The following SPHKAP variants were observed in gnomAD, a reference collection of about 807,000 sequenced individuals.
The protein encoded by SPHKAP is A-kinase anchor protein SPHKAP.
A neutral mutation model predicts 137.5 loss-of-function variants in SPHKAP; 67 were observed. The ratio of observed to expected loss-of-function variants is 0.49; its 90% CI spans 0.40 to 0.60. The LOEUF is 0.60. Ranked by LOEUF, SPHKAP falls within the 20% of genes least tolerant of loss-of-function variation. The probability of loss-of-function intolerance (pLI) is 0.00; values close to 1 mark genes in which losing one functional copy is unlikely to be tolerated. For synonymous variants in SPHKAP, 813 were observed against 785.3 expected, an observed-to-expected ratio of 1.04 and a Z score of -0.59; for missense variants, 2,097 against 2,069.3, an observed-to-expected ratio of 1.01 and a Z score of -0.26.
intron 3 of SPHKAP, among the ~76,000 whole-genome samples, chr2:228,043,138 C>T (rs1178539627): frequency 6.6e-6 from 1 of 152,092 alleles, no homozygotes; most frequent in Non-Finnish European, 1.5e-5. Flanking sequence ...ACTTATAGAC[C>T]TGCAGACAAC....
intron 1 of SPHKAP, among the ~76,000 whole-genome samples, chr2:228,134,617 G>T (rs1699377777): frequency 6.6e-6 from 1 of 152,150 alleles, no homozygotes; most frequent in Admixed American, 6.5e-5. Flanking sequence ...AGCTATTATT[G>T]TTAGGTTCTA....
In SPHKAP at chr2:228,088,896, T is replaced by G. The variant is rs145436827; in HGVS notation, c.246+19936A>C. ...ATAGAAATATGATCCAATTAAAACC[T>G]CTCTTCTTTATAAATTACCTAGTCT... On this transcript the variant is annotated intron_variant, in intron 3 of 11. Coordinates refer to ENST00000392056, the MANE Select transcript of SPHKAP (RefSeq NM_001142644.2). Among the ~76,000 whole-genome samples, 613 of 152,278 alleles carry G rather than the reference T, an allele frequency of 4.0e-3. 6 individuals are homozygous for G. Among genetic ancestry groups the G allele is most frequent in the African/African-American group, 0.014 (583 of 41,546 alleles).
At chr2:228,003,448 T>C (rs919085460) in intron 7 of SPHKAP, among the ~76,000 whole-genome samples, 2 of 152,220 alleles carry the variant, frequency 1.3e-5, no homozygotes, top group Admixed American at 6.5e-5. Context: ...GCTTATCAGC[T>C]TAAGGAGATT....
At chr2:228,034,310 C>T (rs534689816) in intron 3 of SPHKAP, among the ~76,000 whole-genome samples, 1 of 152,304 alleles carries the variant, frequency 6.6e-6, no homozygotes, top group South Asian at 2.1e-4. Flanking sequence ...GACATATACA[C>T]CCTCCCAAGA....
chr2:228,072,568 C>T (rs1697037696), intron 3 of SPHKAP, among the ~76,000 whole-genome samples: 1 of 152,032 alleles, frequency 6.6e-6, no homozygotes, highest in Non-Finnish European at 1.5e-5. Flanking sequence ...GGGTTCCTTC[C>T]CCTTTTCTCT....
chr2:228,109,827 C>T (rs945047874), intron 2 of SPHKAP, among the ~76,000 whole-genome samples: 1 of 151,804 alleles, frequency 6.6e-6, no homozygotes, highest in Non-Finnish European at 1.5e-5. Context: ...GTTGGCCAGG[C>T]GTGGTGGTGC....
intron 7 of SPHKAP, among the ~76,000 whole-genome samples, chr2:228,011,380 A>G (rs1694360621): frequency 6.6e-6 from 1 of 152,104 alleles, no homozygotes; most frequent in Non-Finnish European, 1.5e-5. Context: ...CCTGGTTTCC[A>G]CTAGCCTTTA....
chr2:227,986,518 G>A (rs887868135), intron 11 of SPHKAP, among the ~76,000 whole-genome samples: 1 of 152,074 alleles, frequency 6.6e-6, no homozygotes, highest in African/African-American at 2.4e-5. Flanking sequence ...ATCACCACTA[G>A]GGAACTTACT....
intron 7 of SPHKAP, among the ~76,000 whole-genome samples, chr2:228,010,481 G>T (rs1225893309): frequency 2.0e-5 from 3 of 152,144 alleles, no homozygotes; most frequent in Non-Finnish European, 4.4e-5. Context: ...GCAGTGAGCC[G>T]AGATCGCACC....
chr2:228,091,003 T>C (rs1277135414), intron 3 of SPHKAP, among the ~76,000 whole-genome samples: 3 of 152,208 alleles, frequency 2.0e-5, no homozygotes, highest in Non-Finnish European at 4.4e-5. Context: ...GTAATTCATC[T>C]ATATTAAAAA....
At chr2:228,172,992 C>A in intron 1 of SPHKAP, 2 of 977,562 alleles carry the variant, frequency 2.0e-6, no homozygotes, top group Non-Finnish European at 2.4e-6. Context: ...GGAAAACTTG[C>A]TGAATAGCAT....
chr2:228,018,442 G>A lies in SPHKAP; in HGVS notation c.2412C>T (p.Leu804=). 1 of 1,614,038 alleles carries A rather than the reference G, an allele frequency of 6.2e-7. No homozygotes were observed. The stretch of plus-strand genomic sequence containing the variant: ...GTGACTGCAGCGTGGGGTTCTTGAA[G>A]AGGCCTGGCCTCACTCCACCCTTGT... The part of the protein sequence containing the change: ...KQDKGGVRPG[L]FKNPTLQSQL... Residue 804 remains leucine (L), a synonymous_variant, in exon 7 of 12, where the codon CTC becomes CTT. Transcript: ENST00000392056.
chr2:228,143,232 G>A lies in SPHKAP; in HGVS notation c.33-11147C>T, dbSNP rs918220741. Among the ~76,000 whole-genome samples, 4 of 152,202 alleles carry A rather than the reference G, an allele frequency of 2.6e-5. No individual in the cohort carries two copies. The East Asian group carries it at 5.8e-4, about 22-fold the overall frequency. The stretch of plus-strand genomic sequence containing the variant: ...TATTACACTATGTAACTATTGATAT[G>A]AATGTATTATTTTAAAATATAAGAC... On this transcript the variant is annotated intron_variant, in intron 1 of 11. Transcript: ENST00000392056.
intron 3 of SPHKAP, among the ~76,000 whole-genome samples, chr2:228,059,879 C>T (rs984437719): frequency 6.6e-6 from 1 of 152,162 alleles, no homozygotes; most frequent in African/African-American, 2.4e-5. Flanking sequence ...TAATAAGCTT[C>T]ACAATTTATC....
At chr2:228,157,492 A>G (rs1003976272) in intron 1 of SPHKAP, among the ~76,000 whole-genome samples, 3 of 152,250 alleles carry the variant, frequency 2.0e-5, no homozygotes, top group East Asian at 3.8e-4. Context: ...CATAGCCTCA[A>G]AAAAGAAAAA....
intron 3 of SPHKAP, among the ~76,000 whole-genome samples, chr2:228,052,361 A>C (rs1696287041): frequency 1.3e-5 from 2 of 152,204 alleles, no homozygotes; most frequent in African/African-American, 4.8e-5. Context: ...AAAAGAGCTC[A>C]CAAAATAGGC....
intron 3 of SPHKAP, among the ~76,000 whole-genome samples, chr2:228,039,077 T>G (rs766839058): frequency 6.6e-6 from 1 of 152,216 alleles, no homozygotes; most frequent in Non-Finnish European, 1.5e-5. Context: ...GGTGCTAACA[T>G]TTTTCTTGGA....
chr2:228,172,080 A>G (rs546182883), intron 1 of SPHKAP, among the ~76,000 whole-genome samples: 1 of 152,276 alleles, frequency 6.6e-6, no homozygotes, highest in Non-Finnish European at 1.5e-5. Flanking sequence ...CCTATTTAAG[A>G]ATGTATAATA....
At position 228,017,315 on chromosome 2, in the gene SPHKAP, C is replaced by T. The variant is rs1188411055; in HGVS notation, c.3539G>A (p.Cys1180Tyr). 5 of 1,613,772 alleles carry T rather than the reference C, an allele frequency of 3.1e-6. No individual in the cohort carries two copies. In the East Asian group the frequency reaches 1.1e-4, roughly 36 times the overall value. ...KSDHLSVRPS[C>Y]PSKQSSTESI... is the part of the protein sequence containing the mutation. ...CTCTGTGCTGGACTGCTTAGAGGGA[C>T]AGCTAGGCCTCACACTGAGGTGGTC... The change falls in exon 7 of 12, where the codon TGT (cysteine) becomes TAT (tyrosine). Residue 1180 changes from cysteine to tyrosine, a missense_variant. Coordinates refer to ENST00000392056, the MANE Select transcript of SPHKAP (RefSeq NM_001142644.2).
Sources: gnomAD v4.1 joint callset for allele counts (sites outside exome capture counted in the v4.1 genomes callset) on GRCh38, gnomAD v4.1.1 for gene constraint, MANE v1.5 for transcripts, NCBI Gene and HGNC (gene_info 2026-07-23, HGNC 2026-07-21) for gene names.